Variants in NCOA2 observed in about 807,000 individuals in gnomAD.
The protein encoded by NCOA2 is class E basic helix-loop-helix protein 75.
A neutral mutation model predicts 145.1 loss-of-function variants in NCOA2; 21 were observed. The ratio of observed to expected loss-of-function variants is 0.14; its 90% CI spans 0.10 to 0.21. NCOA2 has a LOEUF of 0.21. NCOA2 is among the 10% of genes least tolerant of loss of function. The pLI is 1.00. For synonymous variants in NCOA2, 619 were observed against 637.5 expected (o/e 0.97, Z 0.44); for missense variants, 1,472 against 1,837.6 (o/e 0.80, Z 3.64).
At chr8:70,326,572 A>G (rs1586499978) in intron 1 of NCOA2, among the ~76,000 whole-genome samples, 1 of 152,140 alleles carries the variant, frequency 6.6e-6, no homozygotes, top group East Asian at 1.9e-4. Flanking sequence ...GGGGGTTCAC[A>G]TGAGGAAAAC....
intron 4 of NCOA2, among the ~76,000 whole-genome samples, chr8:70,176,725 A>G (rs1814892268): frequency 6.6e-6 from 1 of 152,190 alleles, no homozygotes; most frequent in Admixed American, 6.5e-5. Flanking sequence ...ACCCACCAGT[A>G]CAGGAATAGG....
At chr8:70,280,890 C>T (rs762961627) in intron 2 of NCOA2, among the ~76,000 whole-genome samples, 13 of 151,728 alleles carry the variant, frequency 8.6e-5, no homozygotes, top group Admixed American at 2.0e-4. Flanking sequence ...CACTCATACA[C>T]GATCTTAAGA....
chr8:70,427,901 T>C, the NCOA2 span, among the ~76,000 whole-genome samples: 4 of 152,178 alleles, frequency 2.6e-5, no homozygotes, highest in African/African-American at 4.8e-5. Flanking sequence ...TCCAGCTTCA[T>C]AAATTCAGTA....
At chr8:70,174,000 G>A (rs17747784) in intron 5 of NCOA2, among the ~76,000 whole-genome samples, 3 of 152,050 alleles carry the variant, frequency 2.0e-5, no homozygotes, top group African/African-American at 2.4e-5. Context: ...ATCATCAGCC[G>A]AGCAAATTAT....
intron 1 of NCOA2, among the ~76,000 whole-genome samples, chr8:70,368,421 G>C (rs1810909815): frequency 6.6e-6 from 1 of 152,136 alleles, no homozygotes; most frequent in African/African-American, 2.4e-5. Context: ...TAATCTCAAA[G>C]GGGAGTAATG....
intron 4 of NCOA2, among the ~76,000 whole-genome samples, chr8:70,193,896 A>AG (rs1484556553): frequency 6.7e-6 from 1 of 150,002 alleles, no homozygotes; most frequent in Non-Finnish European, 1.5e-5. Context: ...GGCAGTGGAA[A>AG]GGCATCTCAG....
chr8:70,344,512 T>A (rs1418837021), intron 1 of NCOA2, among the ~76,000 whole-genome samples: 2 of 152,194 alleles, frequency 1.3e-5, no homozygotes, highest in Non-Finnish European at 1.5e-5. Flanking sequence ...ATGTCTCCAT[T>A]AATAACAAAC....
intron 1 of NCOA2, among the ~76,000 whole-genome samples, chr8:70,299,252 G>A (rs1827315793): frequency 6.6e-6 from 1 of 152,112 alleles, no homozygotes. Context: ...TAAAGCAAAA[G>A]TGGAGGTAAT....
chr8:70,302,313 T>C (rs1305664068), intron 1 of NCOA2, among the ~76,000 whole-genome samples: 1 of 152,136 alleles, frequency 6.6e-6, no homozygotes, highest in Non-Finnish European at 1.5e-5. Context: ...TGTTTCCCAA[T>C]AAGTTTGATG....
chr8:70,313,868 T>C (rs1805324117), intron 1 of NCOA2, among the ~76,000 whole-genome samples: 1 of 151,916 alleles, frequency 6.6e-6, no homozygotes, highest in South Asian at 2.1e-4. Flanking sequence ...AAACAGAAAG[T>C]AAACTTCAAA....
chr8:70,305,859 G>C (rs1386548853), intron 1 of NCOA2, among the ~76,000 whole-genome samples: 1 of 152,190 alleles, frequency 6.6e-6, no homozygotes, highest in East Asian at 1.9e-4. Flanking sequence ...GAAAAGCTTT[G>C]CAACTCACTG....
At chr8:70,446,073 C>T in the NCOA2 span, among the ~76,000 whole-genome samples, 1 of 151,706 alleles carries the variant, frequency 6.6e-6, no homozygotes, top group African/African-American at 2.4e-5. Context: ...GATTACAAGA[C>T]ACAAGTTAAA....
chr8:70,287,422 CT>C (rs1352082970), intron 2 of NCOA2, among the ~76,000 whole-genome samples: 2 of 152,060 alleles, frequency 1.3e-5, no homozygotes, highest in Non-Finnish European at 2.9e-5. Context: ...GAATTGAAAA[CT>C]TTCTTCAACT....
chr8:70,290,352 C>G (rs1274855465), intron 2 of NCOA2, among the ~76,000 whole-genome samples: 1 of 152,020 alleles, frequency 6.6e-6, no homozygotes, highest in African/African-American at 2.4e-5. Context: ...CCACACCCGG[C>G]TAATTTTTTG....
At chr8:70,270,187 A>T (rs1253444613) in intron 2 of NCOA2, among the ~76,000 whole-genome samples, 1 of 151,724 alleles carries the variant, frequency 6.6e-6, no homozygotes, top group Non-Finnish European at 1.5e-5. Flanking sequence ...GTCTCAAAAA[A>T]CAGGGAGAAA....
intron 2 of NCOA2, among the ~76,000 whole-genome samples, chr8:70,269,188 T>C (rs1824847074): frequency 6.6e-6 from 1 of 152,254 alleles, no homozygotes; most frequent in Non-Finnish European, 1.5e-5. Flanking sequence ...GTATTTTTCC[T>C]TGTTGGTTCA....
At chr8:70,390,603 GA>G (rs34260654) in intron 1 of NCOA2, among the ~76,000 whole-genome samples, 5,203 of 139,748 alleles carry the variant, frequency 0.037, 278 homozygotes, top group African/African-American at 0.13. Context: ...TCTCTATAGA[GA>G]AAAAAAAAAA....
chr8:70,159,192 T>C (rs1283815213), intron 10 of NCOA2, among the ~76,000 whole-genome samples: 2 of 114,886 alleles, frequency 1.7e-5, no homozygotes, highest in East Asian at 2.3e-4. Context: ...AGTGTAAATA[T>C]AGTTATAATA....
intron 15 of NCOA2, among the ~76,000 whole-genome samples, chr8:70,135,304 A>G (rs554249023): frequency 1.2e-4 from 18 of 152,314 alleles, no homozygotes; most frequent in African/African-American, 4.3e-4. Flanking sequence ...GCTATGCTGA[A>G]TTGATACTAA....
Sources: gnomAD v4.1 joint callset for allele counts (sites outside exome capture counted in the v4.1 genomes callset) on GRCh38, gnomAD v4.1.1 for gene constraint, MANE v1.5 for transcripts, NCBI Gene and HGNC (gene_info 2026-07-23, HGNC 2026-07-21) for gene names.